Variants in ZFPL1 observed in about 807,000 individuals in gnomAD.
ZFPL1 encodes the protein zinc finger protein-like 1.
ZFPL1 carries 28 observed loss-of-function variants against 32.0 expected under a neutral mutation model. That is an observed-to-expected ratio of 0.87 (90% confidence interval 0.65 to 1.20). The LOEUF (loss-of-function observed/expected upper bound fraction) is 1.20, where lower values mean the gene tolerates loss of function less well. Among genes scored for constraint, ZFPL1 ranks in the 50% most tolerant of loss-of-function variants. The pLI is 0.00. For missense variants in ZFPL1, 386 were observed against 424.8 expected (o/e 0.91, Z 0.80); for synonymous variants, 165 against 177.0 (o/e 0.93, Z 0.54).
At chr11:65,087,508 T>C in intron 7 of ZFPL1, 75 bp downstream of exon 7, 11 of 1,416,464 alleles carry the variant, frequency 7.8e-6, no homozygotes, top group South Asian at 7.0e-5. Flanking sequence ...CTGGAAGGGA[T>C]GGTTTCATGA....
chr11:65,084,387 A>G lies in ZFPL1; in HGVS notation c.-9+9A>G. The G allele has an allele frequency of 2.3e-6, 1 of 433,640 alleles. No individual in the cohort carries two copies. Among genetic ancestry groups the G allele is most frequent in the African/African-American group, 2.3e-5 (1 of 42,602 alleles). The allele number at this position is 433,640 out of a possible 1,614,324, so 26.9% of individuals were successfully genotyped here. On this transcript the variant is annotated intron_variant, in intron 1 of 7. Coordinates refer to ENST00000294258, the MANE Select transcript of ZFPL1 (RefSeq NM_006782.4). ...TAAACACAGAGACTGGGGTCTGTAGAGAAGGGGCGGGACTTGGAGGGGGTG... is the reference window on the plus strand; with the variant it reads ...TAAACACAGAGACTGGGGTCTGTAGGGAAGGGGCGGGACTTGGAGGGGGTG...
chr11:65,088,259 C>A lies in ZFPL1; in HGVS notation c.*145C>A. 1.7e-6 allele frequency: 2 copies of A among 1,186,122 alleles called. No individual in the cohort carries two copies. Among genetic ancestry groups the A allele is most frequent in the Non-Finnish European group, 2.4e-6 (2 of 846,162 alleles). 73.5% of individuals were successfully genotyped at this position (1,186,122 alleles called of 1,614,324 possible). A position where few individuals can be genotyped will look rare whatever the true frequency, so the allele number is the denominator to read the frequency against. Reference sequence around the variant, plus strand: ...ACCCCAGACCCAAAGCCAAGTCCACCAGAGTGGCTGCAGGCCAGGCCTGGA... The same window carrying A: ...ACCCCAGACCCAAAGCCAAGTCCACAAGAGTGGCTGCAGGCCAGGCCTGGA... On this transcript the variant is annotated 3_prime_UTR_variant, in exon 8 of 8. Coordinates refer to ENST00000294258, the MANE Select transcript of ZFPL1 (RefSeq NM_006782.4).
rs771322550 is a variant in ZFPL1 at position 65,088,100 on chromosome 11, G to A, written c.919G>A (p.Val307Met). The A allele has an allele frequency of 2.5e-6, 4 of 1,609,564 alleles. No individual in the cohort carries two copies. Among genetic ancestry groups the A allele is most frequent in the East Asian group, 2.2e-5 (1 of 44,848 alleles). The change falls in exon 8 of 8, where the codon GTG (valine) becomes ATG (methionine). Residue 307 changes from valine to methionine, a missense_variant. Val to Met is a conservative substitution (Grantham distance 21). Transcript: ENST00000294258. ...LDPLMNPHIR[V>M]GPS Reference sequence around the variant, plus strand: ...CCCACTCATGAACCCTCACATCCGCGTGGGCCCCTCCTGAGCCCCCTTGCT... The same window carrying A: ...CCCACTCATGAACCCTCACATCCGCATGGGCCCCTCCTGAGCCCCCTTGCT...
Position 65,087,297 on chromosome 11 carries a change from T to C in ZFPL1, c.629-19T>C, listed in dbSNP as rs372965509. On this transcript the variant is annotated intron_variant, in intron 6 of 7. Coordinates refer to ENST00000294258, the MANE Select transcript of ZFPL1 (RefSeq NM_006782.4). Reference sequence around the variant, plus strand: ...CCAGTTTTCCTGAGTCTATTGATGCTAGTGGCTCCACCCTGTAGCCCCTAG... The same window carrying C: ...CCAGTTTTCCTGAGTCTATTGATGCCAGTGGCTCCACCCTGTAGCCCCTAG... 22 of 1,613,210 alleles carry C rather than the reference T, an allele frequency of 1.4e-5. No homozygotes were observed. The highest frequency in any genetic ancestry group is 1.9e-5 in the Non-Finnish European group (22 of 1,179,314).
chr11:65,085,171 C>T lies in ZFPL1; in HGVS notation c.159C>T (p.Cys53=), dbSNP rs1565296802. The T allele has an allele frequency of 1.1e-5, 18 of 1,614,178 alleles. No individual in the cohort carries two copies. Among genetic ancestry groups the T allele is most frequent in the Non-Finnish European group, 1.4e-5 (17 of 1,180,026 alleles). The change falls in exon 3 of 8, where the codon TGC becomes TGT. Residue 53 remains cysteine, a synonymous_variant. Transcript: ENST00000294258. ...WLQDSDYNPN[C]RLCNIPLASR... is the part of the protein sequence containing the mutation. ...AAGATAGCGACTACAACCCCAATTG[C>T]CGCCTGTGCAACATACCCCTGGCCA...
intron 2 of ZFPL1, 118 bp downstream of exon 2, chr11:65,084,918 GATTT>G: frequency 7.9e-7 from 1 of 1,269,784 alleles, no homozygotes; most frequent in Non-Finnish European, 1.1e-6. Flanking sequence ...GCAAGGACTT[GATTT>G]ATTTTGTTCA....
At position 65,087,047 on chromosome 11, in the gene ZFPL1, A is replaced by G. The variant is rs886710668; in HGVS notation, c.601A>G (p.Met201Val). Reference protein sequence around the residue: ...GRPEQHTVIHMGNPEPLTHAP... With the variant: ...GRPEQHTVIHVGNPEPLTHAP... The stretch of plus-strand genomic sequence containing the variant: ...GCCCGAGCAGCACACAGTGATCCAC[A>G]TGGGCAATCCTGAGCCCTTGACTCA... The change falls in exon 6 of 8, where the codon ATG (methionine) becomes GTG (valine). Residue 201 changes from methionine to valine, a missense_variant. By Grantham distance (21) the Met-to-Val change is conservative. Transcript: ENST00000294258. The G allele has an allele frequency of 3.1e-6, 5 of 1,613,806 alleles. No homozygotes were observed. Among genetic ancestry groups the G allele is most frequent in the South Asian group, 1.1e-5 (1 of 91,050 alleles).
intron 2 of ZFPL1, 111 bp from the exon 3 acceptor site, chr11:65,085,004 C>G (rs905372900): frequency 8.5e-7 from 1 of 1,171,830 alleles, no homozygotes; most frequent in East Asian, 2.5e-5. Context: ...ATTGATTAAA[C>G]AAACGAAAGG....
intron 3 of ZFPL1, chr11:65,085,601 G>C (rs368331481): frequency 3.5e-6 from 1 of 282,620 alleles, no homozygotes; most frequent in East Asian, 8.7e-5. Context: ...TAAACAGAGA[G>C]GAAGTGAGTT....
chr11:65,084,356 G>A lies in ZFPL1; in HGVS notation c.-31G>A, dbSNP rs1347640552. The A allele has an allele frequency of 6.8e-6, 3 of 442,394 alleles. No individual in the cohort carries two copies. The highest frequency in any genetic ancestry group is 1.2e-5 in the Non-Finnish European group (3 of 247,388). 27.4% of individuals were successfully genotyped at this position (442,394 alleles called of 1,614,324 possible). ...GCCCTTCGGAACCAGTGCAGCGGCC[G>A]ATCAGTAAACACAGAGACTGGGGTC... On this transcript the variant is annotated 5_prime_UTR_variant, in exon 1 of 8. Coordinates refer to ENST00000294258, the MANE Select transcript of ZFPL1 (RefSeq NM_006782.4).
At chr11:65,084,497 G>A (rs1417677062) in intron 1 of ZFPL1, 119 bp downstream of exon 1, 2 of 603,774 alleles carry the variant, frequency 3.3e-6, no homozygotes, top group African/African-American at 1.9e-5. Context: ...GGATCCAGAA[G>A]GATTGAGGGG....
Position 65,086,753 on chromosome 11 carries a change from C to A in ZFPL1, c.442C>A (p.Leu148Ile). 1 of 1,614,238 alleles carries A rather than the reference C, an allele frequency of 6.2e-7. No individual in the cohort carries two copies. The highest frequency in any genetic ancestry group is 8.5e-7 in the Non-Finnish European group (1 of 1,180,040). ...GGTGGTGAGCCCAGAGCCCGAGCCC[C>A]TCAACACGTCTGACTTCTCTGACTG... ...DEVVSPEPEP[L>I]NTSDFSDWSS... Residue 148 changes from leucine to isoleucine, a missense_variant, in exon 5 of 8, where the codon CTC becomes ATC. Leu to Ile is a conservative substitution (Grantham distance 5). Coordinates refer to ENST00000294258, the MANE Select transcript of ZFPL1 (RefSeq NM_006782.4).
chr11:65,087,027 A>G lies in ZFPL1; in HGVS notation c.581A>G (p.Glu194Gly), dbSNP rs1345839842. 6.2e-7 allele frequency: 1 copy of G among 1,613,834 alleles called. No homozygotes were observed. The highest frequency in any genetic ancestry group is 2.2e-5 in the East Asian group (1 of 44,866). ...CCCCCAGCTTCCCCAGGCCGGCCCG[A>G]GCAGCACACAGTGATCCACATGGGC... ...PRPPASPGRP[E>G]QHTVIHMGNP... is the part of the protein sequence containing the mutation. Residue 194 changes from glutamate (E) to glycine (G), a missense_variant, in exon 6 of 8, where the codon GAG becomes GGG. Coordinates refer to ENST00000294258, the MANE Select transcript of ZFPL1 (RefSeq NM_006782.4).
At chr11:65,087,213 C>T in intron 6 of ZFPL1, 103 bp from the exon 7 acceptor site, 1 of 1,556,044 alleles carries the variant, frequency 6.4e-7, no homozygotes, top group Non-Finnish European at 8.8e-7. Context: ...CCTCACAATT[C>T]TGAGATGTTC....
In ZFPL1 at chr11:65,084,831, G is replaced by A. The variant is rs757201391; in HGVS notation, c.102+31G>A. ...GCCTTCAGGGGAGCGACTGAGCAGG[G>A]CACTGGGTGGGCAAGGCGGTATTGG... On this transcript the variant is annotated intron_variant, in intron 2 of 7. Coordinates refer to ENST00000294258, the MANE Select transcript of ZFPL1 (RefSeq NM_006782.4). The A allele has an allele frequency of 4.3e-6, 7 of 1,612,498 alleles. No homozygotes were observed. In the Middle Eastern group the frequency reaches 6.6e-4, roughly 152 times the overall value.
At chr11:65,085,918 G>A (rs1344291700) in intron 3 of ZFPL1, 1 of 200,476 alleles carries the variant, frequency 5.0e-6, no homozygotes, top group Admixed American at 5.3e-5. Flanking sequence ...GTGCCTGTTA[G>A]CAAACCTGTG....
chr11:65,087,343 A>T lies in ZFPL1; in HGVS notation c.656A>T (p.Asp219Val), dbSNP rs1218964010. The change falls in exon 7 of 8, where the codon GAT (aspartate) becomes GTT (valine). Residue 219 changes from aspartate (D) to valine (V), a missense_variant. By Grantham distance (152) the Asp-to-Val change is radical. Coordinates refer to ENST00000294258, the MANE Select transcript of ZFPL1 (RefSeq NM_006782.4). Reference sequence around the variant, plus strand: ...CCTAGGAAGGTGTATGATACGCGGGATGATGACCGGACACCAGGCCTCCAT... The same window carrying T: ...CCTAGGAAGGTGTATGATACGCGGGTTGATGACCGGACACCAGGCCTCCAT... ...HAPRKVYDTR[D>V]DDRTPGLHGD... The T allele has an allele frequency of 1.9e-6, 3 of 1,613,876 alleles. No homozygotes were observed. Among genetic ancestry groups the T allele is most frequent in the Admixed American group, 1.7e-5 (1 of 59,966 alleles).
At chr11:65,085,337 C>G (rs1464084462) in intron 3 of ZFPL1, 111 bp downstream of exon 3, 3 of 931,708 alleles carry the variant, frequency 3.2e-6, no homozygotes, top group Non-Finnish European at 5.2e-6. Flanking sequence ...AGTCTCAGAG[C>G]CCAGATTCTA....
chr11:65,084,825 A>T (rs751513162), intron 2 of ZFPL1, 25 bp downstream of exon 2: 1 of 1,613,430 alleles, frequency 6.2e-7, no homozygotes, highest in Non-Finnish European at 8.5e-7. Flanking sequence ...GGAGCGACTG[A>T]GCAGGGCACT....
Sources: allele counts gnomAD v4.1 joint callset, GRCh38; gene constraint gnomAD v4.1.1; transcripts MANE v1.5; gene names NCBI Gene and HGNC (gene_info 2026-07-23, HGNC 2026-07-21).